Variants in NME9 observed in about 807,000 individuals in gnomAD.
The protein encoded by NME9 is thioredoxin domain-containing protein 6.
Under a neutral mutation model 44.4 loss-of-function variants are expected in NME9, and 48 were observed. The observed-to-expected ratio is 1.08, with a 90% CI of 0.86 to 1.37. The LOEUF (loss-of-function observed/expected upper bound fraction) is 1.37, where lower values mean the gene tolerates loss of function less well. NME9 is among the 40% of genes most tolerant of loss of function. The pLI is 0.00. For synonymous variants in NME9, 139 were observed against 147.1 expected (o/e 0.94, Z 0.40); for missense variants, 325 against 405.2 (o/e 0.80, Z 1.70).
At chr3:138,328,035 C>T (rs951246806) in intron 1 of NME9, among the ~76,000 whole-genome samples, 4 of 152,104 alleles carry the variant, frequency 2.6e-5, no homozygotes, top group Admixed American at 2.0e-4. Flanking sequence ...CTCCTGTCTA[C>T]GTAAAGGATA....
chr3:138,265,318 T>G (rs1186324995), intron 8 of NME9, among the ~76,000 whole-genome samples: 1 of 152,202 alleles, frequency 6.6e-6, no homozygotes, highest in East Asian at 1.9e-4. Context: ...ATGTATCAAG[T>G]GGCTGCTAAT....
intron 2 of NME9, among the ~76,000 whole-genome samples, chr3:138,323,323 G>C (rs1457423166): frequency 6.6e-6 from 1 of 152,216 alleles, no homozygotes. Flanking sequence ...GGCTGAGGCA[G>C]GAGAATCGCT....
At position 138,318,237 on chromosome 3, in the gene NME9, C is replaced by G. The variant is rs372258018; in HGVS notation, c.196-18G>C. ...GCCTCTGCCTAAAGAAAGCCACTAT[C>G]AGCAGGTACCCTGGATGCAGGGGGT... On this transcript the variant is annotated intron_variant, in intron 3 of 10. Transcript: ENST00000333911. The G allele has an allele frequency of 1.7e-5, 27 of 1,572,114 alleles. No homozygotes were observed. The African/African-American group carries it at 3.4e-4, about 20-fold the overall frequency.
At chr3:138,324,298 C>T (rs2053642307) in intron 2 of NME9, 4 of 358,834 alleles carry the variant, frequency 1.1e-5, no homozygotes, top group South Asian at 4.2e-5. Flanking sequence ...CCTTAACTAC[C>T]GTGGTGAGAC....
At chr3:138,272,678 C>G (rs1560026252) in intron 8 of NME9, among the ~76,000 whole-genome samples, 2 of 152,112 alleles carry the variant, frequency 1.3e-5, no homozygotes, top group Non-Finnish European at 2.9e-5. Flanking sequence ...AGTTCAAGAC[C>G]AGCCTGGCCA....
chr3:138,305,966 C>T (rs567218562), intron 8 of NME9, 38 bp downstream of exon 8: 31 of 1,308,718 alleles, frequency 2.4e-5, no homozygotes, highest in Middle Eastern at 1.8e-4. Context: ...GGAAGAGAAA[C>T]GACAGTGTGT....
At chr3:138,296,134 T>A (rs1450075935), downstream of NME9, 1 of 453,824 alleles carries the variant, frequency 2.2e-6, no homozygotes, top group Non-Finnish European at 3.9e-6. Flanking sequence ...ACTCGGACTC[T>A]TTATTAGAAC....
At chr3:138,263,876 T>G (rs939453) in intron 8 of NME9, 872,154 of 1,479,762 alleles carry the variant, frequency 0.59, 264,052 homozygotes, top group East Asian at 0.84. Flanking sequence ...TTAACCTGTT[T>G]CCTTTCTGGT....
chr3:138,282,609 C>G (rs1258435012), intron 8 of NME9, among the ~76,000 whole-genome samples: 2 of 148,304 alleles, frequency 1.3e-5, no homozygotes, highest in African/African-American at 2.5e-5. Context: ...TGCACTCTAG[C>G]CTGGTGACAG....
chr3:138,328,679 A>T (rs988987727), intron 1 of NME9, among the ~76,000 whole-genome samples: 1 of 152,206 alleles, frequency 6.6e-6, no homozygotes, highest in African/African-American at 2.4e-5. Flanking sequence ...TTTTACCATC[A>T]CTTCAGAATC....
At chr3:138,280,952 A>G (rs2049847310) in intron 8 of NME9, among the ~76,000 whole-genome samples, 1 of 152,086 alleles carries the variant, frequency 6.6e-6, no homozygotes, top group Non-Finnish European at 1.5e-5. Flanking sequence ...GAGTTTAGCC[A>G]ACTGTTTCTT....
intron 8 of NME9, chr3:138,273,232 C>A: frequency 9.0e-7 from 1 of 1,115,362 alleles, no homozygotes; most frequent in Admixed American, 2.6e-5. Flanking sequence ...CAAATGCTGC[C>A]CCCTTCCAAA....
intron 8 of NME9, chr3:138,284,577 AT>A: frequency 7.6e-7 from 1 of 1,312,246 alleles, no homozygotes; most frequent in Non-Finnish European, 1.1e-6. Flanking sequence ...GGACTGTTGC[AT>A]TTTTAACTCA....
chr3:138,262,598 A>G (rs781548747), intron 8 of NME9: 7 of 214,346 alleles, frequency 3.3e-5, no homozygotes, highest in Middle Eastern at 6.8e-4. Flanking sequence ...TGAGGAGATT[A>G]AAAAAAAAAA....
intron 8 of NME9, among the ~76,000 whole-genome samples, chr3:138,305,241 C>T (rs957242381): frequency 1.3e-5 from 2 of 152,160 alleles, no homozygotes; most frequent in African/African-American, 4.8e-5. Context: ...TAGTGATGAC[C>T]TACCACACTC....
intron 8 of NME9, chr3:138,263,442 T>C: frequency 3.2e-6 from 1 of 313,370 alleles, no homozygotes; most frequent in Non-Finnish European, 6.0e-6. Context: ...CTCAAGATTA[T>C]TTACATAACA....
intron 8 of NME9, chr3:138,295,748 C>T: frequency 7.9e-7 from 1 of 1,260,476 alleles, no homozygotes; most frequent in Non-Finnish European, 1.1e-6. Flanking sequence ...CCCCAATTCC[C>T]TCTGGAGATT....
At chr3:138,327,706 TTATAGAGAGGTG>T (rs1468060500) in intron 1 of NME9, among the ~76,000 whole-genome samples, 9 of 152,080 alleles carry the variant, frequency 5.9e-5, no homozygotes, top group Non-Finnish European at 1.2e-4. Flanking sequence ...GGGGTTTACC[TTATAGAGAGGTG>T]ACCTTTACAC....
chr3:138,274,046 G>T (rs2049032365), intron 8 of NME9, among the ~76,000 whole-genome samples: 1 of 152,130 alleles, frequency 6.6e-6, no homozygotes, highest in South Asian at 2.1e-4. Flanking sequence ...TCGAACTCCT[G>T]CCCTCAGGTG....
Sources: gnomAD v4.1 joint callset for allele counts (sites outside exome capture counted in the v4.1 genomes callset) on GRCh38, gnomAD v4.1.1 for gene constraint, MANE v1.5 for transcripts, NCBI Gene and HGNC (gene_info 2026-07-23, HGNC 2026-07-21) for gene names.